KIRREL1: variants seen among roughly 807,000 people sequenced by gnomAD.
KIRREL1 encodes kirre like nephrin family adhesion molecule 1.
KIRREL1 carries 25 observed loss-of-function variants against 83.3 expected under a neutral mutation model. The observed-to-expected ratio is 0.30, with a 90% CI of 0.22 to 0.42. The LOEUF (loss-of-function observed/expected upper bound fraction) is 0.42, where lower values mean the gene tolerates loss of function less well. Among genes scored for constraint, KIRREL1 ranks in the 10% least tolerant of loss-of-function variants. The pLI is 1.00. For missense variants in KIRREL1, 812 were observed against 1,032.3 expected (o/e 0.79, Z 2.92); for synonymous variants, 388 against 410.4 (o/e 0.95, Z 0.66).
At chr1:158,078,393 G>A (rs1344785853) in intron 3 of KIRREL1, among the ~76,000 whole-genome samples, 1 of 152,152 alleles carries the variant, frequency 6.6e-6, no homozygotes, top group Non-Finnish European at 1.5e-5. Context: ...GGCCACTCAG[G>A]GACAGGGCCT....
intron 1 of KIRREL1, among the ~76,000 whole-genome samples, chr1:158,059,996 G>A (rs1323650744): frequency 6.6e-6 from 1 of 152,158 alleles, no homozygotes; most frequent in Non-Finnish European, 1.5e-5. Flanking sequence ...AAACATACAG[G>A]TTGGTGTGAG....
chr1:157,998,655 C>T (rs1237324867), intron 1 of KIRREL1, among the ~76,000 whole-genome samples: 1 of 152,106 alleles, frequency 6.6e-6, no homozygotes, highest in Non-Finnish European at 1.5e-5. Context: ...ATCCTGAGAC[C>T]AGGATCTCCC....
chr1:158,002,282 C>G (rs1000247226), intron 1 of KIRREL1, among the ~76,000 whole-genome samples: 9 of 152,222 alleles, frequency 5.9e-5, no homozygotes, highest in African/African-American at 1.2e-4. Flanking sequence ...CCTGTCCCCC[C>G]CAAGCTTGGG....
At chr1:158,061,042 C>T (rs1228848968) in intron 1 of KIRREL1, among the ~76,000 whole-genome samples, 1 of 152,096 alleles carries the variant, frequency 6.6e-6, no homozygotes, top group Non-Finnish European at 1.5e-5. Flanking sequence ...TTCCCTGTGC[C>T]CTGCTCTGTC....
intron 1 of KIRREL1, among the ~76,000 whole-genome samples, chr1:158,055,895 G>T (rs2101598427): frequency 6.6e-6 from 1 of 152,332 alleles, no homozygotes; most frequent in East Asian, 1.9e-4. Context: ...TGGGGTTGTG[G>T]TCCCACATGG....
chr1:158,081,310 C>T (rs978770978), intron 3 of KIRREL1, among the ~76,000 whole-genome samples: 2 of 152,124 alleles, frequency 1.3e-5, no homozygotes, highest in Admixed American at 1.3e-4. Flanking sequence ...AATATATTTA[C>T]CATGAAAGGA....
Position 157,997,470 on chromosome 1 carries a change from T to G in KIRREL1, c.52+3742T>G, listed in dbSNP as rs936813434. On this transcript the variant is annotated intron_variant, in intron 1 of 14. Coordinates refer to ENST00000359209, the MANE Select transcript of KIRREL1 (RefSeq NM_018240.7). The stretch of plus-strand genomic sequence containing the variant: ...CTTCTCCCTATGATTCTTTGTGGGG[T>G]GTGTGTGTGTGTGTGTGTGTTTTCT... 5.7e-4 allele frequency among the ~76,000 whole-genome samples: 85 copies of G among 148,656 alleles called. 1 individual carries two copies. The highest frequency in any genetic ancestry group is 1.7e-3 in the African/African-American group (70 of 40,052).
chr1:158,086,539 A>C, intron 4 of KIRREL1, 57 bp from the exon 5 acceptor site: 1 of 1,529,410 alleles, frequency 6.5e-7, no homozygotes, highest in East Asian at 2.5e-5. Flanking sequence ...GGTCAACTTA[A>C]GAGCAGAGGA....
intron 1 of KIRREL1, among the ~76,000 whole-genome samples, chr1:158,008,146 A>G (rs1288631617): frequency 6.6e-6 from 1 of 151,068 alleles, no homozygotes; most frequent in Non-Finnish European, 1.5e-5. Context: ...TCCTGCTCCT[A>G]GCCGGCAGCG....
rs1659446828 is a variant in KIRREL1, at chr1:158,004,028, AGT to A, written c.52+10302_52+10303del. Among the ~76,000 whole-genome samples the A allele has an allele frequency of 2.0e-5, 3 of 152,158 alleles. No individual in the cohort carries two copies. In the South Asian group the frequency reaches 6.2e-4, roughly 32 times the overall value. On this transcript the variant is annotated intron_variant, in intron 1 of 14. Coordinates refer to ENST00000359209, the MANE Select transcript of KIRREL1 (RefSeq NM_018240.7). ...GTTCCTGGAATTGGGAAGCACCTAG[AGT>A]GACCTCCTCACCAGGGGGCCTGTGG...
intron 1 of KIRREL1, among the ~76,000 whole-genome samples, chr1:158,043,971 A>G (rs187535978): frequency 5.3e-5 from 8 of 152,346 alleles, no homozygotes; most frequent in Non-Finnish European, 8.8e-5. Context: ...GGGGTTAATA[A>G]TAGGTATCTT....
chr1:158,025,483 C>T (rs1489918696), intron 1 of KIRREL1: 1 of 150,806 alleles, frequency 6.6e-6, no homozygotes, highest in Non-Finnish European at 1.5e-5. Context: ...GAGACAGGAT[C>T]TGAGAAAGGA....
intron 1 of KIRREL1, among the ~76,000 whole-genome samples, chr1:158,060,833 A>T (rs1029938580): frequency 9.9e-5 from 15 of 152,222 alleles, no homozygotes; most frequent in African/African-American, 3.6e-4. Flanking sequence ...AGGGTGAAAC[A>T]GCATGACTCC....
intron 1 of KIRREL1, among the ~76,000 whole-genome samples, chr1:158,070,768 G>T (rs1421057783): frequency 6.6e-6 from 1 of 152,046 alleles, no homozygotes; most frequent in Admixed American, 6.5e-5. Context: ...GAGGATGCTG[G>T]TGGGCGATTA....
intron 11 of KIRREL1, 34 bp from the exon 12 acceptor site, chr1:158,093,305 C>A: frequency 6.4e-7 from 1 of 1,563,674 alleles, no homozygotes; most frequent in Non-Finnish European, 8.8e-7. Context: ...ATAACTCCAG[C>A]CTCACCCCTC....
At chr1:158,047,090 A>G (rs1447946685) in intron 1 of KIRREL1, among the ~76,000 whole-genome samples, 1 of 152,190 alleles carries the variant, frequency 6.6e-6, no homozygotes, top group Non-Finnish European at 1.5e-5. Context: ...ATGGAAGAGA[A>G]TTAGATTCAT....
intron 1 of KIRREL1, among the ~76,000 whole-genome samples, chr1:158,021,465 T>A (rs948064517): frequency 1.3e-5 from 2 of 152,180 alleles, no homozygotes; most frequent in Non-Finnish European, 2.9e-5. Flanking sequence ...TAATAAGCTG[T>A]GTGACTTTGA....
chr1:158,084,031 G>A (rs1339338674), intron 3 of KIRREL1, among the ~76,000 whole-genome samples: 1 of 152,186 alleles, frequency 6.6e-6, no homozygotes, highest in Non-Finnish European at 1.5e-5. Flanking sequence ...TTGGGAGGCT[G>A]GGGCAGGAGA....
intron 1 of KIRREL1, among the ~76,000 whole-genome samples, chr1:158,052,366 T>C (rs1660929741): frequency 6.6e-6 from 1 of 152,198 alleles, no homozygotes; most frequent in South Asian, 2.1e-4. Flanking sequence ...TTAGTCTAAG[T>C]GATATCTCCT....
Sources: allele counts gnomAD v4.1 joint callset (sites outside exome capture counted in the v4.1 genomes callset), GRCh38; gene constraint gnomAD v4.1.1; transcripts MANE v1.5; gene names NCBI Gene and HGNC (gene_info 2026-07-23, HGNC 2026-07-21).